The following PPFIA2 variants were observed in gnomAD, a reference collection of about 807,000 sequenced individuals.
The protein encoded by PPFIA2 is liprin-alpha-2.
PPFIA2 carries 46 observed loss-of-function variants against 175.5 expected under a neutral mutation model. The ratio of observed to expected loss-of-function variants is 0.26; its 90% CI spans 0.21 to 0.34. The LOEUF (loss-of-function observed/expected upper bound fraction) is 0.34, where lower values mean the gene tolerates loss of function less well. PPFIA2 is among the 10% of genes least tolerant of loss of function. The pLI is 1.00. For missense variants in PPFIA2, 1,179 were observed against 1,506.1 expected (o/e 0.78, Z 3.60); for synonymous variants, 568 against 511.4 (o/e 1.11, Z -1.49).
At chr12:81,340,077 A>G (rs2057795813) in intron 20 of PPFIA2, among the ~76,000 whole-genome samples, 1 of 152,138 alleles carries the variant, frequency 6.6e-6, no homozygotes, top group African/African-American at 2.4e-5. Context: ...ACCATGATAA[A>G]TTACTTACTT....
intron 4 of PPFIA2, among the ~76,000 whole-genome samples, chr12:81,557,881 T>G (rs746139162): frequency 9.5e-4 from 145 of 152,212 alleles, no homozygotes; most frequent in South Asian, 1.0e-3. Flanking sequence ...ACAAACTCTC[T>G]GGCCATAAAT....
chr12:81,512,924 T>A (rs1289268270), intron 4 of PPFIA2, among the ~76,000 whole-genome samples: 2 of 152,060 alleles, frequency 1.3e-5, no homozygotes, highest in Non-Finnish European at 2.9e-5. Flanking sequence ...GTAAAAAGCT[T>A]CTGAACAGAA....
intron 19 of PPFIA2, 79 bp from the exon 20 acceptor site, chr12:81,341,287 A>AT: frequency 7.1e-7 from 1 of 1,406,964 alleles, no homozygotes; most frequent in Non-Finnish European, 9.7e-7. Flanking sequence ...AATCATGAGA[A>AT]CAAGGCTGTC....
chr12:81,746,761 A>G (rs573153819), intron 3 of PPFIA2, among the ~76,000 whole-genome samples: 1 of 143,750 alleles, frequency 7.0e-6, no homozygotes, highest in East Asian at 2.1e-4. Context: ...AAATATTCAT[A>G]TACCAGAAGG....
intron 4 of PPFIA2, chr12:81,597,921 T>C (rs1434636236): frequency 1.3e-6 from 2 of 1,529,068 alleles, no homozygotes; most frequent in Non-Finnish European, 1.8e-6. Flanking sequence ...ATTAACTTAC[T>C]AAGTAGTGAA....
intron 4 of PPFIA2, among the ~76,000 whole-genome samples, chr12:81,665,802 G>A (rs1163550855): frequency 5.9e-5 from 9 of 152,076 alleles, no homozygotes; most frequent in African/African-American, 1.4e-4. Flanking sequence ...CACAGCAAAA[G>A]AAACTACCAT....
At chr12:81,481,437 A>G (rs1242425081) in intron 4 of PPFIA2, among the ~76,000 whole-genome samples, 1 of 152,198 alleles carries the variant, frequency 6.6e-6, no homozygotes, top group Non-Finnish European at 1.5e-5. Flanking sequence ...TAGCCAAGAC[A>G]ATACTAAACA....
At chr12:81,517,593 T>C (rs1437758688) in intron 4 of PPFIA2, among the ~76,000 whole-genome samples, 1 of 152,122 alleles carries the variant, frequency 6.6e-6, no homozygotes, top group Non-Finnish European at 1.5e-5. Context: ...AAGGTTAAGA[T>C]TGACTGAACC....
At chr12:81,433,147 C>T (rs2048396093) in intron 7 of PPFIA2, among the ~76,000 whole-genome samples, 1 of 152,126 alleles carries the variant, frequency 6.6e-6, no homozygotes. Context: ...TTACCCTCCT[C>T]TTCTGTATCT....
intron 4 of PPFIA2, chr12:81,535,657 A>AC: frequency 3.5e-6 from 1 of 285,792 alleles, no homozygotes; most frequent in South Asian, 3.2e-5. Context: ...ACACACACAC[A>AC]AAACTAGTGA....
intron 4 of PPFIA2, among the ~76,000 whole-genome samples, chr12:81,665,393 T>A (rs1254909340): frequency 6.6e-6 from 1 of 152,048 alleles, no homozygotes; most frequent in Non-Finnish European, 1.5e-5. Flanking sequence ...TTGTAACACG[T>A]AACACTCAGT....
chr12:81,412,987 C>T (rs2044269824), intron 7 of PPFIA2, among the ~76,000 whole-genome samples: 1 of 151,818 alleles, frequency 6.6e-6, no homozygotes, highest in Non-Finnish European at 1.5e-5. Flanking sequence ...TCTTTAACTG[C>T]CTCTTAGTCA....
intron 15 of PPFIA2, among the ~76,000 whole-genome samples, chr12:81,359,809 A>C (rs570568794): frequency 6.6e-6 from 1 of 151,630 alleles, no homozygotes; most frequent in Non-Finnish European, 1.5e-5. Context: ...AATTTATTTT[A>C]AAAAAAAGCA....
intron 8 of PPFIA2, among the ~76,000 whole-genome samples, chr12:81,399,083 T>C (rs1325358543): frequency 6.6e-6 from 1 of 151,802 alleles, no homozygotes. Context: ...AACTTCTGAA[T>C]GAAAAACTTA....
chr12:81,533,287 A>T (rs2064859279), intron 4 of PPFIA2, among the ~76,000 whole-genome samples: 1 of 151,786 alleles, frequency 6.6e-6, no homozygotes, highest in Non-Finnish European at 1.5e-5. Flanking sequence ...GTATAAAAGG[A>T]TATTCTATAA....
At position 81,369,045 on chromosome 12, in the gene PPFIA2, T is replaced by C; in HGVS notation, c.1350+66A>G. The C allele has an allele frequency of 2.2e-6, 3 of 1,377,622 alleles. No homozygotes were observed. The South Asian group carries it at 3.9e-5, about 18-fold the overall frequency. 85.3% of individuals were successfully genotyped at this position (1,377,622 alleles called of 1,614,324 possible). On this transcript the variant is annotated intron_variant, in intron 12 of 32. Transcript: ENST00000549396. ...AACCCATACTCAGTTAAAGGCTTTCTTCTTATATACAGAATACGAATTCAT... is the reference window on the plus strand; with the variant it reads ...AACCCATACTCAGTTAAAGGCTTTCCTCTTATATACAGAATACGAATTCAT...
chr12:81,369,408 G>A (rs573070192), intron 11 of PPFIA2: 3 of 1,392,046 alleles, frequency 2.2e-6, no homozygotes, highest in African/African-American at 1.5e-5. Flanking sequence ...AAACATTGGA[G>A]TTATTTATGA....
At chr12:81,720,413 C>G (rs905791771) in intron 3 of PPFIA2, among the ~76,000 whole-genome samples, 2 of 151,424 alleles carry the variant, frequency 1.3e-5, no homozygotes, top group Non-Finnish European at 3.0e-5. Flanking sequence ...ATAAGTGGAC[C>G]TAAAATGGGT....
chr12:81,535,432 T>C, intron 4 of PPFIA2: 1 of 455,486 alleles, frequency 2.2e-6, no homozygotes, highest in South Asian at 1.6e-5. Flanking sequence ...CATATCTCAG[T>C]GGACACTAGG....
Sources: gnomAD v4.1 joint callset for allele counts (sites outside exome capture counted in the v4.1 genomes callset) on GRCh38, gnomAD v4.1.1 for gene constraint, MANE v1.5 for transcripts, NCBI Gene and HGNC (gene_info 2026-07-23, HGNC 2026-07-21) for gene names.